The following GLB1L2 variants were observed in gnomAD, a reference collection of about 807,000 sequenced individuals.
GLB1L2 encodes beta-galactosidase-1-like protein 2.
A neutral mutation model predicts 84.1 loss-of-function variants in GLB1L2; 68 were observed. That is an observed-to-expected ratio of 0.81 (90% CI 0.67 to 0.99). The LOEUF is 0.99. Among genes scored for constraint, GLB1L2 ranks in the 50% least tolerant of loss-of-function variants. GLB1L2 has a pLI of 0.00. For synonymous variants in GLB1L2, 290 were observed against 318.0 expected (o/e 0.91, Z 0.94); for missense variants, 762 against 805.6 (o/e 0.95, Z 0.66).
chr11:134,368,896 A>G lies in GLB1L2; in HGVS notation c.1027+115A>G, dbSNP rs1305761413. The G allele has an allele frequency of 1.9e-5, 21 of 1,082,288 alleles. No homozygotes were observed. The highest frequency in any genetic ancestry group is 2.7e-5 in the Non-Finnish European group (20 of 750,548). The allele number at this position is 1,082,288 out of a possible 1,614,324, so 67.0% of individuals were successfully genotyped here. On this transcript the variant is annotated intron_variant, in intron 10 of 18. Coordinates refer to ENST00000535456, the MANE Select transcript of GLB1L2 (RefSeq NM_001370461.1). ...GGCACCTTCGTGTCTTTGGCAATAG[A>G]GTACCTGGAGAAGGTACTTGCCTGG... is the stretch of plus-strand genomic sequence containing the variant.
In GLB1L2 at chr11:134,334,483, A is replaced by G. The variant is rs1057323357; in HGVS notation, c.86+2336A>G. Among the ~76,000 whole-genome samples, 1 of 152,004 alleles carries G rather than the reference A, an allele frequency of 6.6e-6. No individual in the cohort carries two copies. Among genetic ancestry groups the G allele is most frequent in the Non-Finnish European group, 1.5e-5 (1 of 68,018 alleles). On this transcript the variant is annotated intron_variant, in intron 1 of 18. Coordinates refer to ENST00000535456, the MANE Select transcript of GLB1L2 (RefSeq NM_001370461.1). The surrounding 1 kb of genome is among the most constrained non-coding windows in gnomAD (Gnocchi z 4.1). Reference sequence around the variant, plus strand: ...TTATTTTTATTTTTTTTAAGCGTAAACAGTGGTCTTTCTTAAAAATTACCT... The same window carrying G: ...TTATTTTTATTTTTTTTAAGCGTAAGCAGTGGTCTTTCTTAAAAATTACCT...
chr11:134,373,947 G>A (rs1565443967), intron 16 of GLB1L2, 139 bp downstream of exon 16: 2 of 763,660 alleles, frequency 2.6e-6, no homozygotes, highest in Non-Finnish European at 2.2e-6. Context: ...TGGCCGAGGT[G>A]AGGGGTGGCA....
rs770982231 is a variant in GLB1L2 at position 134,374,663 on chromosome 11, G to T, written c.1769G>T (p.Gly590Val). 81 of 1,613,922 alleles carry T rather than the reference G, an allele frequency of 5.0e-5. No homozygotes were observed. The highest frequency in any genetic ancestry group is 6.9e-5 in the Non-Finnish European group (81 of 1,180,012). The change falls in exon 18 of 19, where the codon GGA becomes GTA. Residue 590 changes from glycine (G) to valine (V), a missense_variant. Physicochemically the swap from Gly to Val is moderately radical, Grantham distance 109. Coordinates refer to ENST00000535456, the MANE Select transcript of GLB1L2 (RefSeq NM_001370461.1). ...AACCTTGGACGTTACTGGAACATTGGACCCCAGAAGACGCTTTACCTCCCA... is the reference window on the plus strand; with the variant it reads ...AACCTTGGACGTTACTGGAACATTGTACCCCAGAAGACGCTTTACCTCCCA... ...GQNLGRYWNIGPQKTLYLPGP... is the reference protein window; with the variant it reads ...GQNLGRYWNIVPQKTLYLPGP...
Position 134,374,998 on chromosome 11 carries a change from G to T in GLB1L2, c.1851G>T (p.Ala617=). 1 of 1,613,742 alleles carries T rather than the reference G, an allele frequency of 6.2e-7. No homozygotes were observed. The highest frequency in any genetic ancestry group is 8.5e-7 in the Non-Finnish European group (1 of 1,179,924). ...NQVIVFEETM[A]GPALQFTETP... ...TCATCGTTTTTGAGGAGACGATGGC[G>T]GGCCCTGCATTACAGTTCACGGAAA... The change falls in exon 19 of 19, where the codon GCG becomes GCT. Residue 617 remains alanine, a synonymous_variant. Transcript: ENST00000535456.
intron 5 of GLB1L2, among the ~76,000 whole-genome samples, chr11:134,349,429 TGCTTTC>T (rs1331764813): frequency 6.6e-6 from 1 of 152,262 alleles, no homozygotes; most frequent in Non-Finnish European, 1.5e-5. Flanking sequence ...TCTGAGCCCC[TGCTTTC>T]GCTTCTTTTG....
intron 5 of GLB1L2, among the ~76,000 whole-genome samples, chr11:134,350,020 T>C (rs1359717254): frequency 6.6e-6 from 1 of 152,134 alleles, no homozygotes; most frequent in Non-Finnish European, 1.5e-5. Context: ...TACTCTTTGC[T>C]CTCCTCTCCT....
intron 1 of GLB1L2, among the ~76,000 whole-genome samples, chr11:134,340,598 G>T (rs1209026707): frequency 6.6e-6 from 1 of 152,214 alleles, no homozygotes; most frequent in Non-Finnish European, 1.5e-5. Context: ...AAGAAGGCCC[G>T]GACGGTGGCC....
At position 134,339,900 on chromosome 11, in the gene GLB1L2, G is replaced by A. The variant is rs1943437839; in HGVS notation, c.87-2854G>A. On this transcript the variant is annotated intron_variant, in intron 1 of 18. Coordinates refer to ENST00000535456, the MANE Select transcript of GLB1L2 (RefSeq NM_001370461.1). This position sits in a 1 kb window ranked among gnomAD's most constrained non-coding sequence, Gnocchi z 5.7. The stretch of plus-strand genomic sequence containing the variant: ...GCCTCTTTCCAGGTGTCTGCACTTT[G>A]AGTCAGGCGGCTGTGACCCTGAGGG... Among the ~76,000 whole-genome samples the A allele has an allele frequency of 6.6e-6, 1 of 152,202 alleles. No homozygotes were observed. Among genetic ancestry groups the A allele is most frequent in the Non-Finnish European group, 1.5e-5 (1 of 68,038 alleles).
Position 134,334,618 on chromosome 11 carries a change from A to C in GLB1L2, c.86+2471A>C, listed in dbSNP as rs1943353063. The stretch of plus-strand genomic sequence containing the variant: ...ATTGTGAAAACAGCCACCAGCCCCC[A>C]AAGTTTCCATGTACCTCTCTGTCAT... On this transcript the variant is annotated intron_variant, in intron 1 of 18. Transcript: ENST00000535456. The surrounding 1 kb of genome is among the most constrained non-coding windows in gnomAD (Gnocchi z 4.1). Among the ~76,000 whole-genome samples, 1 of 152,076 alleles carries C rather than the reference A, an allele frequency of 6.6e-6. No individual in the cohort carries two copies. Among genetic ancestry groups the C allele is most frequent in the African/African-American group, 2.4e-5 (1 of 41,404 alleles).
At chr11:134,347,274 C>A in intron 4 of GLB1L2, 51 bp from the exon 5 acceptor site, 1 of 1,401,942 alleles carries the variant, frequency 7.1e-7, no homozygotes, top group Non-Finnish European at 1.0e-6. Context: ...CTGCTCACAG[C>A]AAACCCACTG....
At chr11:134,343,656 C>T (rs956076693) in intron 2 of GLB1L2, among the ~76,000 whole-genome samples, 1 of 152,290 alleles carries the variant, frequency 6.6e-6, no homozygotes, top group Non-Finnish European at 1.5e-5. Context: ...TAAAGAGTTA[C>T]AGAAACCTGC....
At chr11:134,352,268 G>A (rs996451263) in intron 5 of GLB1L2, among the ~76,000 whole-genome samples, 4 of 152,090 alleles carry the variant, frequency 2.6e-5, no homozygotes, top group South Asian at 2.1e-4. Context: ...TTCTGTAATC[G>A]TTTTTATTTC....
At chr11:134,364,502 C>T (rs1943839466) in intron 8 of GLB1L2, 104 bp downstream of exon 8, 1 of 936,844 alleles carries the variant, frequency 1.1e-6, no homozygotes, top group Non-Finnish European at 1.6e-6. Flanking sequence ...GGGAGCTGGA[C>T]TCAGGGCTGA....
At chr11:134,371,369 G>T in intron 13 of GLB1L2, 52 bp from the exon 14 acceptor site, 1 of 1,278,540 alleles carries the variant, frequency 7.8e-7, no homozygotes, top group East Asian at 2.3e-5. Context: ...AGGAGGTCCC[G>T]CTTACCCTCC....
chr11:134,334,872 A>G lies in GLB1L2; in HGVS notation c.86+2725A>G, dbSNP rs55932086. Among the ~76,000 whole-genome samples the G allele has an allele frequency of 7.9e-3, 1,195 of 152,120 alleles. 13 individuals are homozygous for G. Among genetic ancestry groups the G allele is most frequent in the Middle Eastern group, 0.014 (4 of 294 alleles). ...GCCAGTTGCCTTTCATTCTCTTCCT[A>G]TTCGCACTCCATGAACACAAGAATG... is the stretch of plus-strand genomic sequence containing the variant. On this transcript the variant is annotated intron_variant, in intron 1 of 18. Transcript: ENST00000535456. This position sits in a 1 kb window ranked among gnomAD's most constrained non-coding sequence, Gnocchi z 4.1.
chr11:134,340,812 A>G (rs1000417007), intron 1 of GLB1L2, among the ~76,000 whole-genome samples: 6 of 152,224 alleles, frequency 3.9e-5, no homozygotes, highest in African/African-American at 1.2e-4. Context: ...TGAAGTTCAT[A>G]TAATTTTTTA....
intron 1 of GLB1L2, among the ~76,000 whole-genome samples, chr11:134,337,822 TTCA>T (rs1943408916): frequency 6.6e-6 from 1 of 152,170 alleles, no homozygotes; most frequent in Non-Finnish European, 1.5e-5. Flanking sequence ...GGTCAGGATC[TTCA>T]TGGGATGCCC....
At chr11:134,358,994 C>A in intron 6 of GLB1L2, 66 bp from the exon 7 acceptor site, 2 of 1,124,796 alleles carry the variant, frequency 1.8e-6, no homozygotes, top group Non-Finnish European at 2.6e-6. Context: ...CCAACTGCAG[C>A]TGTGTGTCAC....
Position 134,370,442 on chromosome 11 carries a change from G to C in GLB1L2, c.1215+43G>C. The C allele has an allele frequency of 6.7e-7, 1 of 1,490,414 alleles. No homozygotes were observed. The highest frequency in any genetic ancestry group is 9.3e-7 in the Non-Finnish European group (1 of 1,072,854). 92.3% of individuals were successfully genotyped at this position (1,490,414 alleles called of 1,614,324 possible). A position where few individuals can be genotyped will look rare whatever the true frequency, so the allele number is the denominator to read the frequency against. On this transcript the variant is annotated intron_variant, in intron 12 of 18. Transcript: ENST00000535456. This position sits in a 1 kb window ranked among gnomAD's most constrained non-coding sequence, Gnocchi z 4.7. ...TCATCGGGAGGTGAGTGAGTGCCGG[G>C]GGCAGTCGTTGGCAGGGAGGTGAGT...
Sources: gnomAD v4.1 joint callset for allele counts (sites outside exome capture counted in the v4.1 genomes callset) on GRCh38, gnomAD v4.1.1 for gene constraint, Gnocchi (gnomAD v3.1) non-coding constraint, MANE v1.5 for transcripts, NCBI Gene and HGNC (gene_info 2026-07-23, HGNC 2026-07-21) for gene names.